FRMD4B: variants seen among roughly 807,000 people sequenced by gnomAD.
FRMD4B encodes FERM domain-containing protein 4B.
In FRMD4B, 74 loss-of-function variants were observed where a neutral mutation model predicts 141.5. The ratio of observed to expected loss-of-function variants is 0.52; its 90% confidence interval spans 0.43 to 0.63. The LOEUF is 0.63. FRMD4B is among the 30% of genes least tolerant of loss of function. FRMD4B has a pLI of 0.00. For synonymous variants in FRMD4B, 506 were observed against 467.9 expected (o/e 1.08, Z -1.05); for missense variants, 1,366 against 1,253.4 (o/e 1.09, Z -1.36).
At chr3:69,510,005 G>A (rs62252349) in intron 1 of FRMD4B, among the ~76,000 whole-genome samples, 83,335 of 150,856 alleles carry the variant, frequency 0.55, 23,673 homozygotes, top group African/African-American at 0.7. Flanking sequence ...ATCATGTGAC[G>A]TGCTTGATTG....
chr3:69,460,217 A>T (rs1196210527), intron 1 of FRMD4B, among the ~76,000 whole-genome samples: 1 of 152,186 alleles, frequency 6.6e-6, no homozygotes, highest in East Asian at 1.9e-4. Flanking sequence ...GCATGCGTGA[A>T]AGTTACGATG....
At chr3:69,529,976 C>A (rs1399739345) in intron 1 of FRMD4B, among the ~76,000 whole-genome samples, 2 of 152,210 alleles carry the variant, frequency 1.3e-5, no homozygotes, top group Non-Finnish European at 2.9e-5. Context: ...TTTTAGAATA[C>A]CCTGATTGGT....
chr3:69,528,579 T>C (rs1700966708), intron 1 of FRMD4B, among the ~76,000 whole-genome samples: 1 of 152,124 alleles, frequency 6.6e-6, no homozygotes, highest in Admixed American at 6.5e-5. Context: ...TTGCCCAGGC[T>C]GCTCTCAAAT....
chr3:69,255,242 G>A (rs2093485565), intron 5 of FRMD4B, among the ~76,000 whole-genome samples: 1 of 152,158 alleles, frequency 6.6e-6, no homozygotes, highest in South Asian at 2.1e-4. Context: ...ACTCTCAAGT[G>A]GGTCAAAAAA....
In FRMD4B at chr3:69,181,609, A is replaced by T. The variant is rs757965783; in HGVS notation, c.2141T>A (p.Leu714His). ...GCTGCTGCTTCTTTGGGATTTGGAG[A>T]GGGAGAAAAATGGCTTATCGCTGTC... ...EMDSDKPFFS[L>H]SKSQRSSSTE... The change falls in exon 21 of 23, where the codon CTC (leucine) becomes CAC (histidine). Residue 714 changes from leucine to histidine, a missense_variant. Leu to His is a moderately conservative substitution (Grantham distance 99). Transcript: ENST00000398540. The T allele has an allele frequency of 1.2e-6, 2 of 1,613,526 alleles. No individual in the cohort carries two copies. The highest frequency in any genetic ancestry group is 1.3e-5 in the African/African-American group (1 of 74,872).
chr3:69,344,689 T>C (rs749902534), intron 1 of FRMD4B, among the ~76,000 whole-genome samples: 5 of 152,236 alleles, frequency 3.3e-5, no homozygotes, highest in South Asian at 2.1e-4. Context: ...TTCTCCTTTA[T>C]AGACGACCAG....
intron 1 of FRMD4B, among the ~76,000 whole-genome samples, chr3:69,321,482 G>A (rs1456725584): frequency 6.6e-6 from 1 of 152,090 alleles, no homozygotes; most frequent in Non-Finnish European, 1.5e-5. Flanking sequence ...AGTGAAATCT[G>A]CCATCTGGAA....
intron 4 of FRMD4B, among the ~76,000 whole-genome samples, chr3:69,288,221 T>C (rs986613549): frequency 6.6e-6 from 1 of 152,256 alleles, no homozygotes; most frequent in African/African-American, 2.4e-5. Context: ...TGAAGTCGGC[T>C]GAGCAAGCAC....
chr3:69,265,268 AAATATAT>A (rs1376076447), intron 5 of FRMD4B, among the ~76,000 whole-genome samples: 1 of 28,868 alleles, frequency 3.5e-5, no homozygotes, highest in African/African-American at 1.4e-4. Flanking sequence ...AAAAAAAAAA[AAATATAT>A]ATATATATAT....
chr3:69,235,778 C>A (rs1027250070), intron 7 of FRMD4B, among the ~76,000 whole-genome samples: 1 of 152,064 alleles, frequency 6.6e-6, no homozygotes, highest in African/African-American at 2.4e-5. Context: ...GCATATTATG[C>A]TATTAACATC....
At chr3:69,500,806 C>T (rs942451839) in intron 1 of FRMD4B, among the ~76,000 whole-genome samples, 1 of 151,922 alleles carries the variant, frequency 6.6e-6, no homozygotes, top group South Asian at 2.1e-4. Flanking sequence ...TCTGTCATCT[C>T]CCACAGGGGA....
intron 1 of FRMD4B, among the ~76,000 whole-genome samples, chr3:69,316,637 T>C (rs527444525): frequency 3.9e-5 from 6 of 152,130 alleles, no homozygotes; most frequent in Non-Finnish European, 5.9e-5. Context: ...AATGTGTCAG[T>C]TTAAATCACT....
At chr3:69,325,298 G>A (rs930952589) in intron 1 of FRMD4B, among the ~76,000 whole-genome samples, 5 of 152,132 alleles carry the variant, frequency 3.3e-5, no homozygotes, top group Non-Finnish European at 4.4e-5. Context: ...GTCAATGGAC[G>A]GCCATTGCTG....
chr3:69,475,246 T>G (rs1559538825), intron 1 of FRMD4B, among the ~76,000 whole-genome samples: 1 of 152,104 alleles, frequency 6.6e-6, no homozygotes, highest in Non-Finnish European at 1.5e-5. Context: ...AGGGTACATG[T>G]GCGAAATGTG....
chr3:69,447,110 TG>T (rs1384775511), intron 1 of FRMD4B, among the ~76,000 whole-genome samples: 2 of 152,172 alleles, frequency 1.3e-5, no homozygotes, highest in Non-Finnish European at 2.9e-5. Flanking sequence ...AAGCTTTAAA[TG>T]GGTATCAAAT....
chr3:69,354,976 T>C (rs950982902), intron 1 of FRMD4B, among the ~76,000 whole-genome samples: 9 of 151,920 alleles, frequency 5.9e-5, no homozygotes, highest in African/African-American at 2.2e-4. Flanking sequence ...AAGAAACAAG[T>C]TACTTAAACA....
At chr3:69,357,107 G>C (rs1423933573) in intron 1 of FRMD4B, among the ~76,000 whole-genome samples, 1 of 152,154 alleles carries the variant, frequency 6.6e-6, no homozygotes, top group Non-Finnish European at 1.5e-5. Context: ...TGGGGCTCTA[G>C]GTGCAAAGAC....
chr3:69,197,108 G>T, intron 12 of FRMD4B, 70 bp from the exon 13 acceptor site: 2 of 1,325,920 alleles, frequency 1.5e-6, no homozygotes, highest in Non-Finnish European at 2.1e-6. Flanking sequence ...TACCCTGCGA[G>T]CAGCATTGTA....
intron 1 of FRMD4B, among the ~76,000 whole-genome samples, chr3:69,465,106 G>A (rs1312916716): frequency 6.6e-6 from 1 of 152,082 alleles, no homozygotes; most frequent in East Asian, 1.9e-4. Context: ...AGATCATGAG[G>A]TCAGGAGATT....
Sources: gnomAD v4.1 joint callset for allele counts (sites outside exome capture counted in the v4.1 genomes callset) on GRCh38, gnomAD v4.1.1 for gene constraint, MANE v1.5 for transcripts, NCBI Gene and HGNC (gene_info 2026-07-23, HGNC 2026-07-21) for gene names.